The following A4GALT variants were observed in gnomAD, a reference collection of about 807,000 sequenced individuals.
A4GALT encodes the protein alpha 1,4-galactosyltransferase (P1PK blood group).
For synonymous variants in A4GALT, 257 were observed against 220.7 expected (o/e 1.16, Z -1.46); for missense variants, 512 against 486.0 (o/e 1.05, Z -0.50).
At chr22:42,706,139 A>T (rs1428083559) in intron 1 of A4GALT, among the ~76,000 whole-genome samples, 1 of 83,756 alleles carries the variant, frequency 1.2e-5, no homozygotes, top group African/African-American at 3.3e-5. Flanking sequence ...GCGGATCACG[A>T]GGTCAGGAGA....
At chr22:42,704,697 T>G (rs1431525059) in intron 1 of A4GALT, among the ~76,000 whole-genome samples, 1 of 151,970 alleles carries the variant, frequency 6.6e-6, no homozygotes. Flanking sequence ...GTGGACTTCA[T>G]TCCAGGAGGA....
intron 1 of A4GALT, among the ~76,000 whole-genome samples, chr22:42,716,420 G>A (rs566312800): frequency 2.0e-5 from 3 of 152,306 alleles, no homozygotes; most frequent in South Asian, 2.1e-4. Context: ...TAACAATGGC[G>A]TGTATTTTCT....
intron 1 of A4GALT, chr22:42,718,162 A>G (rs1329511411): frequency 6.6e-6 from 1 of 152,396 alleles, no homozygotes; most frequent in Non-Finnish European, 1.5e-5. Flanking sequence ...GAAAAATATA[A>G]AAAATGTCTG....
chr22:42,694,683 C>G (rs1930794782), intron 2 of A4GALT: 1 of 152,534 alleles, frequency 6.6e-6, no homozygotes. Flanking sequence ...GGGGAAAAGA[C>G]TGTGGGAACA....
intron 1 of A4GALT, among the ~76,000 whole-genome samples, chr22:42,714,406 AG>A (rs773369057): frequency 8.0e-4 from 122 of 151,870 alleles, no homozygotes; most frequent in Admixed American, 1.2e-3. Flanking sequence ...TGGGCAACAT[AG>A]TGAAACCCCG....
In A4GALT at chr22:42,693,577, G is replaced by A. The variant is rs776140143; in HGVS notation, c.375C>T (p.Pro125=). The part of the protein sequence containing the change: ...KGLPGGNASL[P]RHLGISLLSC... ...TCAGAAGTGAGATGCCCAGGTGCCG[G>A]GGCAGAGAGGCGTTGCCACCCGGAA... The change falls in exon 3 of 3, where the codon CCC becomes CCT. Residue 125 remains proline, a synonymous_variant. Transcript: ENST00000642412. The A allele has an allele frequency of 1.1e-4, 183 of 1,613,498 alleles. 1 individual carries two copies. Among genetic ancestry groups the A allele is most frequent in the South Asian group, 4.6e-4 (42 of 91,076 alleles).
chr22:42,711,660 G>A (rs1921706270), intron 1 of A4GALT, among the ~76,000 whole-genome samples: 1 of 151,858 alleles, frequency 6.6e-6, no homozygotes, highest in African/African-American at 2.4e-5. Context: ...CCACCCCCGA[G>A]TCTCGCTCTG....
intron 1 of A4GALT, among the ~76,000 whole-genome samples, chr22:42,714,274 CAA>C (rs1163088658): frequency 0.019 from 298 of 16,010 alleles, no homozygotes; most frequent in African/African-American, 0.05. Flanking sequence ...GACTCTGTCT[CAA>C]AAAAAAAAAA....
At chr22:42,696,623 G>C (rs867823120) in intron 1 of A4GALT, among the ~76,000 whole-genome samples, 2 of 151,778 alleles carry the variant, frequency 1.3e-5, no homozygotes, top group African/African-American at 2.4e-5. Context: ...TAGGTTCCCA[G>C]CACGCAGCAG....
Position 42,693,774 on chromosome 22 carries a change from G to A in A4GALT, c.178C>T (p.Pro60Ser). 6 of 1,602,278 alleles carry A rather than the reference G, an allele frequency of 3.7e-6. No homozygotes were observed. The highest frequency in any genetic ancestry group is 5.1e-6 in the Non-Finnish European group (6 of 1,174,412). ...GTGGGGGGTGTCAAGGTGGGGCAGG[G>A]GATCTCTGCTGGCAGGTTATAGAGC... is the stretch of plus-strand genomic sequence containing the variant. The part of the protein sequence containing the change: ...GQLYNLPAEI[P>S]CPTLTPPTPP... The change falls in exon 3 of 3, where the codon CCC becomes TCC. Residue 60 changes from proline (P) to serine (S), a missense_variant. By Grantham distance (74) the Pro-to-Ser change is moderately conservative. Coordinates refer to ENST00000642412, the MANE Select transcript of A4GALT (RefSeq NM_017436.7).
At chr22:42,703,171 G>T (rs555242215) in intron 1 of A4GALT, among the ~76,000 whole-genome samples, 4 of 146,322 alleles carry the variant, frequency 2.7e-5, no homozygotes, top group Admixed American at 1.3e-4. Context: ...GAATGCCTTG[G>T]GGGCAGAGAC....
At chr22:42,708,017 G>T (rs1921307608) in intron 1 of A4GALT, among the ~76,000 whole-genome samples, 2 of 151,270 alleles carry the variant, frequency 1.3e-5, no homozygotes. Flanking sequence ...ACTTTGGGAG[G>T]CTGAGCCAGG....
chr22:42,711,159 G>A (rs1476101824), intron 1 of A4GALT, among the ~76,000 whole-genome samples: 1 of 152,080 alleles, frequency 6.6e-6, no homozygotes, highest in Non-Finnish European at 1.5e-5. Flanking sequence ...ATGGGCCAAA[G>A]ACAATTCACA....
chr22:42,712,560 A>G (rs1447158952), intron 1 of A4GALT, among the ~76,000 whole-genome samples: 5 of 152,236 alleles, frequency 3.3e-5, no homozygotes, highest in Admixed American at 3.3e-4. Context: ...TATTTGAAAG[A>G]AAGTTTCCAT....
chr22:42,720,485 G>A (rs781187568), intron 1 of A4GALT, among the ~76,000 whole-genome samples: 8 of 152,134 alleles, frequency 5.3e-5, no homozygotes, highest in Non-Finnish European at 1.2e-4. Context: ...CTCCAGCCCC[G>A]GGACCCAACC....
rs1396461353 is a variant in A4GALT at position 42,692,683 on chromosome 22, C to T, written c.*207G>A. The T allele has an allele frequency of 4.2e-6, 3 of 711,958 alleles. No homozygotes were observed. The highest frequency in any genetic ancestry group is 7.5e-6 in the Non-Finnish European group (3 of 397,496). 44.1% of individuals were successfully genotyped at this position (711,958 alleles called of 1,614,324 possible). ...GAGCGCCCTCCGCTGGCTATGGCAC[C>T]ATGTGTCAGCCCTGCCTCGAGACAG... On this transcript the variant is annotated 3_prime_UTR_variant, in exon 3 of 3. Coordinates refer to ENST00000642412, the MANE Select transcript of A4GALT (RefSeq NM_017436.7). The surrounding 1 kb of genome is among the most constrained non-coding windows in gnomAD (Gnocchi z 4.6).
chr22:42,693,553 C>T lies in A4GALT; in HGVS notation c.399G>A (p.Leu133=), dbSNP rs1311616305. ...SLPRHLGISL[L]SCFPNVQMLP... is the part of the protein sequence containing the mutation. Reference sequence around the variant, plus strand: ...GCATCTGGACATTCGGGAAGCAGCTCAGAAGTGAGATGCCCAGGTGCCGGG... The same window carrying T: ...GCATCTGGACATTCGGGAAGCAGCTTAGAAGTGAGATGCCCAGGTGCCGGG... Residue 133 remains leucine (L), a synonymous_variant, in exon 3 of 3, where the codon CTG becomes CTA. Transcript: ENST00000642412. 1.2e-6 allele frequency: 2 copies of T among 1,613,516 alleles called. No homozygotes were observed. Among genetic ancestry groups the T allele is most frequent in the African/African-American group, 1.3e-5 (1 of 75,034 alleles).
chr22:42,700,886 AT>A (rs1931256656), intron 1 of A4GALT, among the ~76,000 whole-genome samples: 1 of 152,158 alleles, frequency 6.6e-6, no homozygotes, highest in South Asian at 2.1e-4. Flanking sequence ...GAAGTCTCTG[AT>A]GGGGCTGGAA....
chr22:42,692,727 T>C lies in A4GALT; in HGVS notation c.*163A>G. On this transcript the variant is annotated 3_prime_UTR_variant, in exon 3 of 3. Transcript: ENST00000642412. This position sits in a 1 kb window ranked among gnomAD's most constrained non-coding sequence, Gnocchi z 4.6. The stretch of plus-strand genomic sequence containing the variant: ...GAGACAGGACACTGTCCTCGGGGTG[T>C]CCACAGCCTCCCACTGGGCCTGCTC... The C allele has an allele frequency of 1.2e-6, 1 of 821,602 alleles. No homozygotes were observed. The allele number at this position is 821,602 out of a possible 1,614,324, so 50.9% of individuals were successfully genotyped here. A position where few individuals can be genotyped will look rare whatever the true frequency, so the allele number is the denominator to read the frequency against.
Sources: gnomAD v4.1 joint callset for allele counts (sites outside exome capture counted in the v4.1 genomes callset) on GRCh38, gnomAD v4.1.1 for gene constraint, Gnocchi (gnomAD v3.1) non-coding constraint, MANE v1.5 for transcripts, NCBI Gene and HGNC (gene_info 2026-07-23, HGNC 2026-07-21) for gene names.